Variants in GRIA4 observed in about 807,000 individuals in gnomAD.
GRIA4 encodes the protein glutamate receptor 4.
Under a neutral mutation model 104.0 loss-of-function variants are expected in GRIA4, and 34 were observed. That is an observed-to-expected ratio of 0.33 (90% CI 0.25 to 0.44). The LOEUF (loss-of-function observed/expected upper bound fraction) is 0.44, where lower values mean the gene tolerates loss of function less well. GRIA4 is among the 20% of genes least tolerant of loss of function. GRIA4 has a pLI of 1.00. For missense variants in GRIA4, 750 were observed against 1,096.5 expected, an observed-to-expected ratio of 0.68 and a Z score of 4.46; for synonymous variants, 386 against 381.9, an observed-to-expected ratio of 1.01 and a Z score of -0.13.
chr11:105,919,418 A>T (rs935473802), intron 11 of GRIA4, among the ~76,000 whole-genome samples: 1 of 152,144 alleles, frequency 6.6e-6, no homozygotes, highest in Non-Finnish European at 1.5e-5. Flanking sequence ...ATATTCATCA[A>T]TAATGTCAGA....
At chr11:105,945,848 T>C (rs1948293594) in intron 14 of GRIA4, among the ~76,000 whole-genome samples, 3 of 152,204 alleles carry the variant, frequency 2.0e-5, no homozygotes, top group African/African-American at 7.2e-5. Flanking sequence ...TTGTAAAATA[T>C]ACATAGTTAC....
At chr11:105,644,650 C>CTT (rs1951473512) in intron 3 of GRIA4, among the ~76,000 whole-genome samples, 1 of 151,902 alleles carries the variant, frequency 6.6e-6, no homozygotes, top group South Asian at 2.1e-4. Flanking sequence ...CCATTTTTAT[C>CTT]TTTTTAGAAA....
Position 105,623,290 on chromosome 11 carries a change from C to A in GRIA4, c.247+10856C>A, listed in dbSNP as rs183381673. On this transcript the variant is annotated intron_variant, in intron 3 of 16. Coordinates refer to ENST00000282499, the MANE Select transcript of GRIA4 (RefSeq NM_000829.4). Reference sequence around the variant, plus strand: ...TTTAGTTCTCAGACTGAAAGTTGTGCTAATTTGCATTCCCAATTGGCACTA... The same window carrying A: ...TTTAGTTCTCAGACTGAAAGTTGTGATAATTTGCATTCCCAATTGGCACTA... Among the ~76,000 whole-genome samples, 218 of 151,878 alleles carry A rather than the reference C, an allele frequency of 1.4e-3. 1 individual carries two copies. The highest frequency in any genetic ancestry group is 5.0e-3 in the African/African-American group (208 of 41,462).
At chr11:105,694,890 T>C (rs1411641168) in intron 3 of GRIA4, among the ~76,000 whole-genome samples, 6 of 152,172 alleles carry the variant, frequency 3.9e-5, no homozygotes, top group Non-Finnish European at 7.4e-5. Context: ...CAATATAGGA[T>C]TTTACTTATT....
chr11:105,932,429 G>A (rs1240772882), intron 13 of GRIA4, among the ~76,000 whole-genome samples: 1 of 152,072 alleles, frequency 6.6e-6, no homozygotes, highest in Non-Finnish European at 1.5e-5. Flanking sequence ...AAAATGTTGG[G>A]ATTACAGTCT....
chr11:105,668,222 AATATAT>A lies in GRIA4; in HGVS notation c.247+55808_247+55813del, dbSNP rs1555095706. Among the ~76,000 whole-genome samples, 628 of 137,222 alleles carry A rather than the reference AATATAT, an allele frequency of 4.6e-3. 13 individuals are homozygous for A. Among genetic ancestry groups the A allele is most frequent in the African/African-American group, 0.015 (571 of 37,468 alleles). The allele number at this position is 137,222 out of a possible 152,430, so 90.0% of individuals were successfully genotyped here. On this transcript the variant is annotated intron_variant, in intron 3 of 16. Transcript: ENST00000282499. ...TACACACACACACACACACACATAT[AATATAT>A]ATATATATATATATATATACTATAT... is the stretch of plus-strand genomic sequence containing the variant.
chr11:105,935,229 A>G (rs1947999312), intron 14 of GRIA4, among the ~76,000 whole-genome samples: 1 of 152,136 alleles, frequency 6.6e-6, no homozygotes, highest in Admixed American at 6.6e-5. Flanking sequence ...GGGGTTTTAT[A>G]GTATGTCACA....
intron 3 of GRIA4, among the ~76,000 whole-genome samples, chr11:105,623,612 T>C (rs191759502): frequency 2.6e-4 from 40 of 152,182 alleles, no homozygotes; most frequent in Non-Finnish European, 4.0e-4. Flanking sequence ...ACTCCTCCAA[T>C]ACAGTTATTT....
chr11:105,838,221 A>T (rs1308359585), intron 4 of GRIA4, among the ~76,000 whole-genome samples: 1 of 152,192 alleles, frequency 6.6e-6, no homozygotes. Context: ...TTAAATTAAA[A>T]CCTGGAAATT....
At chr11:105,915,569 A>G (rs1051500841) in intron 10 of GRIA4, among the ~76,000 whole-genome samples, 1 of 152,194 alleles carries the variant, frequency 6.6e-6, no homozygotes, top group Non-Finnish European at 1.5e-5. Flanking sequence ...GGAAACACTG[A>G]TAGGCCAGGA....
chr11:105,679,232 A>G lies in GRIA4; in HGVS notation c.247+66798A>G, dbSNP rs547333557. Among the ~76,000 whole-genome samples the G allele has an allele frequency of 2.0e-5, 3 of 152,242 alleles. No homozygotes were observed. In the South Asian group the frequency reaches 6.2e-4, roughly 32 times the overall value. ...TTTATTAAGATCTTCAGCTGATTGG[A>G]TGAGAACCAACCACGTTATGGAGGA... On this transcript the variant is annotated intron_variant, in intron 3 of 16. Transcript: ENST00000282499.
At chr11:105,688,992 A>G (rs1952992209) in intron 3 of GRIA4, among the ~76,000 whole-genome samples, 1 of 152,108 alleles carries the variant, frequency 6.6e-6, no homozygotes. Context: ...GGGGGAAAAT[A>G]CTCTGGCAGA....
intron 4 of GRIA4, among the ~76,000 whole-genome samples, chr11:105,861,221 C>T (rs533115513): frequency 2.0e-5 from 3 of 152,238 alleles, no homozygotes; most frequent in African/African-American, 4.8e-5. Context: ...CAGTCTTGCA[C>T]GCTCCTTCTC....
chr11:105,705,467 G>A (rs1216716067), intron 3 of GRIA4, among the ~76,000 whole-genome samples: 6 of 151,994 alleles, frequency 3.9e-5, no homozygotes, highest in South Asian at 2.1e-4. Context: ...AAATAAAATC[G>A]CAGACAATTG....
chr11:105,630,772 G>A (rs1193812466), intron 3 of GRIA4, among the ~76,000 whole-genome samples: 3 of 152,018 alleles, frequency 2.0e-5, no homozygotes, highest in African/African-American at 4.8e-5. Context: ...TTCTCCATCT[G>A]AGTAGGTGAC....
intron 3 of GRIA4, among the ~76,000 whole-genome samples, chr11:105,617,731 G>T (rs140392768): frequency 6.6e-6 from 1 of 152,094 alleles, no homozygotes; most frequent in East Asian, 1.9e-4. Context: ...CATCAAACAT[G>T]TTTATCAAGA....
At chr11:105,928,654 G>C (rs1332659490) in intron 13 of GRIA4, among the ~76,000 whole-genome samples, 4 of 151,972 alleles carry the variant, frequency 2.6e-5, no homozygotes, top group African/African-American at 9.7e-5. Context: ...ACTGAAAATT[G>C]ATGACTGATT....
intron 4 of GRIA4, among the ~76,000 whole-genome samples, chr11:105,851,474 T>C (rs1309384980): frequency 6.6e-6 from 1 of 152,124 alleles, no homozygotes; most frequent in Non-Finnish European, 1.5e-5. Flanking sequence ...GCATGAGCTG[T>C]AATTACTGTA....
chr11:105,676,885 CT>C (rs1952555192), intron 3 of GRIA4, among the ~76,000 whole-genome samples: 1 of 151,598 alleles, frequency 6.6e-6, no homozygotes, highest in Admixed American at 6.6e-5. Context: ...TCTGTGTTAC[CT>C]TCAAAAGTGT....
Sources: gnomAD v4.1 joint callset for allele counts (sites outside exome capture counted in the v4.1 genomes callset) on GRCh38, gnomAD v4.1.1 for gene constraint, MANE v1.5 for transcripts, NCBI Gene and HGNC (gene_info 2026-07-23, HGNC 2026-07-21) for gene names.